The following KRT8 variants were observed in gnomAD, a reference collection of about 807,000 sequenced individuals.
KRT8 encodes the protein keratin, type II cytoskeletal 8.
KRT8 carries 24 observed loss-of-function variants against 43.0 expected under a neutral mutation model. The observed-to-expected ratio is 0.56, with a 90% CI of 0.40 to 0.78. The LOEUF (loss-of-function observed/expected upper bound fraction) is 0.78. Ranked by LOEUF, KRT8 falls within the 30% of genes least tolerant of loss-of-function variation. The pLI is 0.00. For synonymous variants in KRT8, 214 were observed against 261.2 expected, an observed-to-expected ratio of 0.82 and a Z score of 1.74; for missense variants, 492 against 638.4, an observed-to-expected ratio of 0.77 and a Z score of 2.47.
chr12:52,944,950 T>C (rs529963176), intron 2 of KRT8, among the ~76,000 whole-genome samples: 3 of 152,322 alleles, frequency 2.0e-5, no homozygotes, highest in East Asian at 3.9e-4. Flanking sequence ...CAGCTGCCTC[T>C]GAAGCTTGTA....
At chr12:52,934,709 C>T (rs1592183978) in intron 2 of KRT8, among the ~76,000 whole-genome samples, 2 of 152,210 alleles carry the variant, frequency 1.3e-5, no homozygotes, top group South Asian at 4.1e-4. Context: ...TGGCTCACGC[C>T]TGTAATCCCA....
At chr12:52,912,242 A>G (rs2638505) in intron 2 of KRT8, among the ~76,000 whole-genome samples, 113,257 of 152,056 alleles carry the variant, frequency 0.74, 42,823 homozygotes, top group African/African-American at 0.87. Context: ...GGACTCCTGC[A>G]GTGGGGAAGG....
rs181973395 is a variant in KRT8 at position 52,919,186 on chromosome 12, G to A, written c.-46-14159C>T. Among the ~76,000 whole-genome samples the A allele has an allele frequency of 1.6e-4, 25 of 152,244 alleles. No homozygotes were observed. The East Asian group carries it at 4.8e-3, about 29-fold the overall frequency. On this transcript the variant is annotated intron_variant, in intron 2 of 6. Coordinates refer to the KRT8 transcript ENST00000546826. Reference sequence around the variant, plus strand: ...TTGCTTTCCCCAACTCTCAACCCAGGGCTCCTTTCCCTGCCAATGATGGTG... The same window carrying A: ...TTGCTTTCCCCAACTCTCAACCCAGAGCTCCTTTCCCTGCCAATGATGGTG...
intron 2 of KRT8, among the ~76,000 whole-genome samples, chr12:52,944,614 AG>A (rs1043167187): frequency 6.6e-5 from 10 of 152,288 alleles, no homozygotes; most frequent in African/African-American, 2.4e-4. Flanking sequence ...GGCTCCTAGA[AG>A]GGCCAGGTTC....
chr12:52,948,841 A>C (rs906718656), intron 2 of KRT8: 1 of 415,046 alleles, frequency 2.4e-6, no homozygotes, highest in African/African-American at 2.1e-5. Flanking sequence ...GGGGGAGAAG[A>C]GCATAATAAC....
Position 52,938,177 on chromosome 12 carries a change from TTTTTTTTTA to T in KRT8, c.-47+11270_-47+11278del, listed in dbSNP as rs1565733056. On this transcript the variant is annotated intron_variant, in intron 2 of 6. Transcript: ENST00000546826. ...ATATATATATATATATATATTTTTT[TTTTTTTTTA>T]TATATAAGGTCTTGCTCTGTCGCCC... Among the ~76,000 whole-genome samples the T allele has an allele frequency of 6.6e-4, 60 of 90,436 alleles. 5 individuals are homozygous for T. Among genetic ancestry groups the T allele is most frequent in the African/African-American group, 2.3e-3 (51 of 22,362 alleles). The allele number at this position is 90,436 out of a possible 152,430, so 59.3% of individuals were successfully genotyped here.
intron 4 of KRT8, 47 bp from the exon 5 acceptor site, chr12:52,900,112 G>A (rs768897162): frequency 6.3e-7 from 1 of 1,598,320 alleles, no homozygotes; most frequent in South Asian, 1.1e-5. Context: ...CTGCACACAG[G>A]GAGCCCCCTT....
rs759431467 is a variant in KRT8, at chr12:52,901,123, T to A, written c.594+36A>T. ...TGGTCTGAGTCTCTGAGCCCCAGCCTCCAGTGTCCAGATAGGAGAAGGGAG... is the reference window on the plus strand; with the variant it reads ...TGGTCTGAGTCTCTGAGCCCCAGCCACCAGTGTCCAGATAGGAGAAGGGAG... On this transcript the variant is annotated intron_variant, in intron 3 of 7. Coordinates refer to ENST00000692008, the Ensembl canonical transcript of KRT8. 2.0e-6 allele frequency: 3 copies of A among 1,473,418 alleles called. No individual in the cohort carries two copies. The South Asian group carries it at 3.4e-5, about 17-fold the overall frequency. 91.3% of individuals were successfully genotyped at this position (1,473,418 alleles called of 1,614,324 possible).
intron 2 of KRT8, among the ~76,000 whole-genome samples, chr12:52,917,988 GA>G: frequency 6.8e-6 from 1 of 146,928 alleles, no homozygotes; most frequent in Non-Finnish European, 1.5e-5. Flanking sequence ...AGAAGAAGAA[GA>G]AGGAGAGGAA....
At chr12:52,928,241 C>T (rs1942027080) in intron 2 of KRT8, among the ~76,000 whole-genome samples, 1 of 152,124 alleles carries the variant, frequency 6.6e-6, no homozygotes, top group Non-Finnish European at 1.5e-5. Flanking sequence ...AAGAGTGTGT[C>T]TCCTCTGAGA....
At chr12:52,907,187 C>T (rs1309393991), upstream of KRT8, 2 of 161,980 alleles carry the variant, frequency 1.2e-5, no homozygotes, top group African/African-American at 4.8e-5. Flanking sequence ...CTCCTTTAAA[C>T]AATGCCTAAT....
At chr12:52,914,311 C>T (rs184075894) in intron 2 of KRT8, among the ~76,000 whole-genome samples, 2,721 of 151,984 alleles carry the variant, frequency 0.018, 52 homozygotes, top group African/African-American at 0.055. Flanking sequence ...CCGAGGCAGG[C>T]GGATCACCTG....
intron 2 of KRT8, among the ~76,000 whole-genome samples, chr12:52,945,249 C>T (rs535794406): frequency 6.6e-6 from 1 of 152,098 alleles, no homozygotes; most frequent in Non-Finnish European, 1.5e-5. Context: ...GGTATACCCT[C>T]CACTGAGAGT....
chr12:52,905,197 G>T, upstream of KRT8: 5 of 824,406 alleles, frequency 6.1e-6, no homozygotes, highest in Non-Finnish European at 9.1e-6. Flanking sequence ...GCAGGACTCA[G>T]GTGGGGGCAG....
At chr12:52,926,980 A>G (rs1212682992) in intron 2 of KRT8, among the ~76,000 whole-genome samples, 4 of 150,722 alleles carry the variant, frequency 2.7e-5, no homozygotes, top group Non-Finnish European at 5.9e-5. Flanking sequence ...GAATGATTCA[A>G]TTCTATCCCA....
At chr12:52,927,089 G>A (rs564092036) in intron 2 of KRT8, among the ~76,000 whole-genome samples, 19 of 152,282 alleles carry the variant, frequency 1.2e-4, no homozygotes, top group African/African-American at 3.9e-4. Context: ...TCCCCCCAAG[G>A]GAGGAAAGAA....
chr12:52,916,416 C>G (rs1941741931), intron 2 of KRT8, among the ~76,000 whole-genome samples: 1 of 152,188 alleles, frequency 6.6e-6, no homozygotes, highest in African/African-American at 2.4e-5. Flanking sequence ...CTTCTAGCAG[C>G]TCCCTGCTGA....
chr12:52,934,083 G>C (rs1334828533), intron 2 of KRT8, among the ~76,000 whole-genome samples: 2 of 151,668 alleles, frequency 1.3e-5, no homozygotes, highest in Non-Finnish European at 1.5e-5. Context: ...ACAAAAATTA[G>C]CCGGGCATGG....
chr12:52,913,853 C>T (rs969053787), intron 2 of KRT8, among the ~76,000 whole-genome samples: 1 of 152,222 alleles, frequency 6.6e-6, no homozygotes, highest in African/African-American at 2.4e-5. Context: ...AACTCAAATA[C>T]ACGGTTACAG....
Sources: allele counts gnomAD v4.1 joint callset (sites outside exome capture counted in the v4.1 genomes callset), GRCh38; gene constraint gnomAD v4.1.1; transcripts MANE v1.5; gene names NCBI Gene and HGNC (gene_info 2026-07-23, HGNC 2026-07-21).